Variants in C1orf167 observed in about 807,000 individuals in gnomAD.
C1orf167 encodes the protein chromosome 1 open reading frame 167, also known as uncharacterized protein C1orf167.
A neutral mutation model predicts 176.5 loss-of-function variants in C1orf167; 153 were observed. The ratio of observed to expected loss-of-function variants is 0.87; its 90% CI spans 0.76 to 0.99. The LOEUF is 0.99. Ranked by LOEUF, C1orf167 falls within the 50% of genes least tolerant of loss-of-function variation. The pLI is 0.00. For synonymous variants in C1orf167, 594 were observed against 752.7 expected (o/e 0.79, Z 3.45); for missense variants, 1,490 against 1,817.7 (o/e 0.82, Z 3.28).
At chr1:11,778,341 A>AGCT (rs1643422674) in intron 10 of C1orf167, 1 of 158,848 alleles carries the variant, frequency 6.3e-6, no homozygotes, top group Admixed American at 6.3e-5. Flanking sequence ...GCCCAGTCTC[A>AGCT]GCTGCTCACT....
At chr1:11,762,413 A>AGGGGGGAGTC (rs1553176586) in intron 1 of C1orf167, 108 bp downstream of exon 1, 1 of 219,750 alleles carries the variant, frequency 4.6e-6, no homozygotes. Flanking sequence ...GTGGAGTGGG[A>AGGGGGGAGTC]GGGGGGAGTC....
rs951721922 is a variant in C1orf167 at position 11,769,009 on chromosome 1, C to T, written c.1579C>T (p.Pro527Ser). Residue 527 changes from proline to serine, a missense_variant, in exon 6 of 21, where the codon CCC becomes TCC. Coordinates refer to ENST00000688073, the MANE Select transcript of C1orf167 (RefSeq NM_001010881.2). ...GGCTTTACAGCAGAAACAAGTACAG[C>T]CCCACATGCAGGCTGGGCCAGGGTC... ...NLALQQKQVQ[P>S]HMQAGPGSPP... The T allele has an allele frequency of 4.1e-6, 4 of 985,762 alleles. No homozygotes were observed. Among genetic ancestry groups the T allele is most frequent in the South Asian group, 4.7e-5 (1 of 21,290 alleles). The allele number at this position is 985,762 out of a possible 1,614,324, so 61.1% of individuals were successfully genotyped here.
At chr1:11,772,431 A>AT in intron 8 of C1orf167, among the ~76,000 whole-genome samples, 172 bp downstream of exon 8, 1 of 151,926 alleles carries the variant, frequency 6.6e-6, no homozygotes, top group East Asian at 1.9e-4. Flanking sequence ...CGCACAGCTA[A>AT]TTTTTTTGTA....
chr1:11,779,229 A>G (rs1043590477), intron 12 of C1orf167, 149 bp downstream of exon 12: 8 of 736,938 alleles, frequency 1.1e-5, no homozygotes, highest in Non-Finnish European at 1.5e-5. Context: ...GCCCCGTCCT[A>G]CTGAGAGGGT....
In C1orf167 at chr1:11,766,287, GCAGTCCGGGCTGCCGGCCCCAGGCAC is replaced by G; in HGVS notation, c.503_528del (p.Gln168ProfsTer2). 20 of 1,289,668 alleles carry G rather than the reference GCAGTCCGGGCTGCCGGCCCCAGGCAC, an allele frequency of 1.6e-5. No homozygotes were observed. The highest frequency in any genetic ancestry group is 1.9e-5 in the Non-Finnish European group (19 of 988,820). The allele number at this position is 1,289,668 out of a possible 1,614,324, so 79.9% of individuals were successfully genotyped here. On this transcript the variant is annotated frameshift_variant, in exon 3 of 21. Transcript: ENST00000688073. LOFTEE classifies it high-confidence loss of function. This position sits in a 1 kb window ranked among gnomAD's most constrained non-coding sequence, Gnocchi z 4.5. ...TGGCTCGCCCATCTTCCTGCCTGAGGCAGTCCGGGCTGCCGGCCCCAGGCACCCCTAGCGGGGACTTCAGGCCCACT... is the reference window on the plus strand; with the variant it reads ...TGGCTCGCCCATCTTCCTGCCTGAGGCCCTAGCGGGGACTTCAGGCCCACT...
chr1:11,772,403 C>A, intron 8 of C1orf167, 144 bp downstream of exon 8: 1 of 693,792 alleles, frequency 1.4e-6, no homozygotes, highest in Non-Finnish European at 2.1e-6. Context: ...TAGCTGGGAC[C>A]ATAAGCATGT....
intron 17 of C1orf167, 96 bp downstream of exon 17, chr1:11,787,589 C>A: frequency 4.3e-6 from 4 of 923,590 alleles, no homozygotes; most frequent in Admixed American, 3.3e-5. Flanking sequence ...CTCCTTGGGA[C>A]ACGGTCTTAT....
At chr1:11,767,411 G>A (rs985633290) in intron 4 of C1orf167, 147 bp downstream of exon 4, 4 of 677,310 alleles carry the variant, frequency 5.9e-6, no homozygotes, top group Non-Finnish European at 8.8e-6. Context: ...ACCTGTCCCT[G>A]CTGGGGGATG....
chr1:11,768,417 C>A lies in C1orf167; in HGVS notation c.1542+142C>A. On this transcript the variant is annotated intron_variant, in intron 5 of 20. Transcript: ENST00000688073. This position sits in a 1 kb window ranked among gnomAD's most constrained non-coding sequence, Gnocchi z 4.5. ...AGCAGTAAAGGGTGTAGTTGTGAGT[C>A]CACACACCTGAATCAGCTCTGCCTG... 1 of 685,772 alleles carries A rather than the reference C, an allele frequency of 1.5e-6. No individual in the cohort carries two copies. Among genetic ancestry groups the A allele is most frequent in the Non-Finnish European group, 2.1e-6 (1 of 478,894 alleles). The allele number at this position is 685,772 out of a possible 1,614,324, so 42.5% of individuals were successfully genotyped here. A position where few individuals can be genotyped will look rare whatever the true frequency, so the allele number is the denominator to read the frequency against.
rs905718731 is a variant in C1orf167 at position 11,764,544 on chromosome 1, C to T, written c.70+74C>T. 11 of 1,221,598 alleles carry T rather than the reference C, an allele frequency of 9.0e-6. No individual in the cohort carries two copies. In the South Asian group the frequency reaches 1.1e-4, roughly 13 times the overall value. 75.7% of individuals were successfully genotyped at this position (1,221,598 alleles called of 1,614,324 possible). On this transcript the variant is annotated intron_variant, in intron 2 of 20. Coordinates refer to ENST00000688073, the MANE Select transcript of C1orf167 (RefSeq NM_001010881.2). The stretch of plus-strand genomic sequence containing the variant: ...CTCTAGGTATTGGCCCAGAGCCCCC[C>T]TCCCAGGCAGGCCAGCCTATAGGGC...
At chr1:11,781,037 T>G (rs577376590) in intron 13 of C1orf167, among the ~76,000 whole-genome samples, 34 of 129,740 alleles carry the variant, frequency 2.6e-4, no homozygotes, top group Non-Finnish European at 4.2e-4. Flanking sequence ...GATCTCGCTG[T>G]GTTGCCCAGG....
In C1orf167 at chr1:11,765,904, C is replaced by G. The variant is rs1642767929; in HGVS notation, c.118C>G (p.His40Asp). 5.7e-6 allele frequency: 7 copies of G among 1,222,334 alleles called. No individual in the cohort carries two copies. The highest frequency in any genetic ancestry group is 7.3e-6 in the Non-Finnish European group (7 of 956,686). The allele number at this position is 1,222,334 out of a possible 1,614,324, so 75.7% of individuals were successfully genotyped here. A position where few individuals can be genotyped will look rare whatever the true frequency, so the allele number is the denominator to read the frequency against. ...RSLGIGLSGR[H>D]DQWVPGCQVE... Reference sequence around the variant, plus strand: ...CCTGGGCATCGGCCTGAGTGGTAGACATGACCAGTGGGTGCCCGGGTGCCA... The same window carrying G: ...CCTGGGCATCGGCCTGAGTGGTAGAGATGACCAGTGGGTGCCCGGGTGCCA... Residue 40 changes from histidine (H) to aspartate (D), a missense_variant, in exon 3 of 21, where the codon CAT (histidine) becomes GAT (aspartate). His to Asp is a moderately conservative substitution (Grantham distance 81, BLOSUM62 -1). Coordinates refer to ENST00000688073, the MANE Select transcript of C1orf167 (RefSeq NM_001010881.2).
chr1:11,779,144 T>A (rs41307759), intron 12 of C1orf167, 64 bp downstream of exon 12: 130,967 of 1,198,030 alleles, frequency 0.11, 7,600 homozygotes, highest in South Asian at 0.17. Flanking sequence ...CCCTTCTCCC[T>A]TCCACCCTTG....
At chr1:11,767,952 T>C in intron 4 of C1orf167, 125 bp from the exon 5 acceptor site, 1 of 637,620 alleles carries the variant, frequency 1.6e-6, no homozygotes, top group Non-Finnish European at 2.3e-6. Context: ...GTGATACTCC[T>C]GTTGTGGCGT....
In C1orf167 at chr1:11,769,714, C is replaced by T. The variant is rs1176545553; in HGVS notation, c.1697+587C>T. ...TGAGATGGAGTCTCGCTCTGTCGCC[C>T]AGGCTGGAGTGCAGTGGCACAATCT... On this transcript the variant is annotated intron_variant, in intron 6 of 20. Transcript: ENST00000688073. Among the ~76,000 whole-genome samples the T allele has an allele frequency of 9.3e-5, 14 of 151,232 alleles. No individual in the cohort carries two copies. In the East Asian group the frequency reaches 2.7e-3, roughly 29 times the overall value.
At chr1:11,775,304 A>G in intron 8 of C1orf167, 131 bp from the exon 9 acceptor site, 1 of 660,602 alleles carries the variant, frequency 1.5e-6, no homozygotes, top group Non-Finnish European at 2.2e-6. Flanking sequence ...AACAACAACA[A>G]AACACGGAGG....
intron 10 of C1orf167, 51 bp downstream of exon 10, chr1:11,776,689 T>C (rs1643332451): frequency 8.5e-7 from 1 of 1,179,326 alleles, no homozygotes; most frequent in Non-Finnish European, 1.1e-6. Context: ...GGCTGTGGGG[T>C]GGGCACGTGA....
chr1:11,771,600 G>T lies in C1orf167; in HGVS notation c.1774G>T (p.Glu592Ter), dbSNP rs532999024. The change falls in exon 7 of 21, where the codon GAG becomes TAG. Residue 592 changes from glutamate to a stop codon, truncating the protein, a stop_gained. Transcript: ENST00000688073. LOFTEE classifies it high-confidence loss of function. ...HPRQRTDSRHERVQILQALQL... is the reference protein window; with the variant it reads ...HPRQRTDSRH ...TAGGCAGAGAACAGACAGCAGACACGAGAGAGTCCAGATCCTGCAGGCCCT... is the reference window on the plus strand; with the variant it reads ...TAGGCAGAGAACAGACAGCAGACACTAGAGAGTCCAGATCCTGCAGGCCCT... 144 of 1,289,848 alleles carry T rather than the reference G, an allele frequency of 1.1e-4. 2 individuals are homozygous for T. The South Asian group carries it at 1.7e-3, about 15-fold the overall frequency. The allele number at this position is 1,289,848 out of a possible 1,614,324, so 79.9% of individuals were successfully genotyped here. A position where few individuals can be genotyped will look rare whatever the true frequency, so the allele number is the denominator to read the frequency against.
intron 6 of C1orf167, 142 bp downstream of exon 6, chr1:11,769,269 A>G (rs969597570): frequency 2.8e-6 from 2 of 720,482 alleles, no homozygotes; most frequent in East Asian, 1.3e-4. Flanking sequence ...GATGTCCATC[A>G]TGGCATCATT....
Sources: gnomAD v4.1 joint callset for allele counts (sites outside exome capture counted in the v4.1 genomes callset) on GRCh38, gnomAD v4.1.1 for gene constraint, Gnocchi (gnomAD v3.1) non-coding constraint, MANE v1.5 for transcripts, NCBI Gene and HGNC (gene_info 2026-07-23, HGNC 2026-07-21) for gene names.